The following MMP26 variants were observed in gnomAD, a reference collection of about 807,000 sequenced individuals.
MMP26 encodes matrix metallopeptidase 26, also known as matrix metalloproteinase-26.
A neutral mutation model predicts 31.0 loss-of-function variants in MMP26; 33 were observed. The observed-to-expected ratio is 1.06, with a 90% CI of 0.81 to 1.42. The LOEUF (loss-of-function observed/expected upper bound fraction) is 1.42, where lower values mean the gene tolerates loss of function less well. MMP26 is among the 40% of genes most tolerant of loss of function. The pLI, the probability that MMP26 is intolerant of heterozygous loss-of-function variation, is 0.00. For missense variants in MMP26, 347 were observed against 316.1 expected, an observed-to-expected ratio of 1.10 and a Z score of -0.74; for synonymous variants, 122 against 114.9, an observed-to-expected ratio of 1.06 and a Z score of -0.40.
chr11:4,875,154 T>C (rs1447516140), intron 2 of MMP26: 1 of 152,140 alleles, frequency 6.6e-6, no homozygotes, highest in Non-Finnish European at 1.5e-5. Context: ...GAGATCATTC[T>C]GCTCTCTAAT....
intron 1 of MMP26, among the ~76,000 whole-genome samples, chr11:4,716,650 CTTTTTTTTTTTTTTT>C (rs71050424): frequency 0.028 from 1,815 of 65,072 alleles, 44 homozygotes; most frequent in Middle Eastern, 0.23. Flanking sequence ...TCTCTTACCT[CTTTTTTTTTTTTTTT>C]TTTTTTTTTT....
chr11:4,836,396 C>T (rs1467386920), intron 2 of MMP26, among the ~76,000 whole-genome samples: 1 of 151,168 alleles, frequency 6.6e-6, no homozygotes, highest in East Asian at 1.9e-4. Context: ...TACTTATATA[C>T]ACACACAGAT....
intron 2 of MMP26, chr11:4,907,928 C>T (rs773678445): frequency 1.7e-5 from 28 of 1,613,930 alleles, no homozygotes; most frequent in Non-Finnish European, 2.2e-5. Context: ...TACCATGAAG[C>T]TGGCCTGCTC....
At chr11:4,803,389 A>C (rs1344151182) in intron 2 of MMP26, 1 of 1,241,906 alleles carries the variant, frequency 8.1e-7, no homozygotes. Context: ...ATGTCCCCAC[A>C]TTAGTGGGGC....
intron 2 of MMP26, among the ~76,000 whole-genome samples, chr11:4,934,887 G>C (rs1331350163): frequency 6.6e-6 from 1 of 151,204 alleles, no homozygotes; most frequent in East Asian, 1.9e-4. Context: ...GATAGTTGTA[G>C]GTATGCGGCG....
At chr11:4,964,204 G>A (rs1589820248) in intron 2 of MMP26, among the ~76,000 whole-genome samples, 3 of 152,046 alleles carry the variant, frequency 2.0e-5, no homozygotes, top group Admixed American at 6.6e-5. Context: ...GTTCTTAATG[G>A]TATTGCCTAG....
chr11:4,941,921 TA>T (rs1846213232), intron 2 of MMP26, among the ~76,000 whole-genome samples: 1 of 150,480 alleles, frequency 6.6e-6, no homozygotes, highest in Non-Finnish European at 1.5e-5. Flanking sequence ...CCATCTCTAC[TA>T]AAAATACAAA....
At chr11:4,939,291 A>G (rs890536125) in intron 2 of MMP26, among the ~76,000 whole-genome samples, 2 of 152,128 alleles carry the variant, frequency 1.3e-5, no homozygotes, top group African/African-American at 4.8e-5. Flanking sequence ...AAAGTTAAAG[A>G]TGGTAATAAT....
At position 4,881,996 on chromosome 11, in the gene MMP26, G is replaced by A. The variant is rs745346501; in HGVS notation, c.-144-106072G>A. On this transcript the variant is annotated intron_variant, in intron 2 of 7. Transcript: ENST00000380390. ...TGCTCATGTCTGGATCTCCATTCCA[G>A]TCTGCTGTCTCTACACCATTGCCCT... is the stretch of plus-strand genomic sequence containing the variant. The A allele has an allele frequency of 8.1e-6, 13 of 1,613,710 alleles. No homozygotes were observed. In the South Asian group the frequency reaches 1.2e-4, roughly 15 times the overall value.
chr11:4,908,038 T>C (rs1850929429), intron 2 of MMP26: 2 of 1,614,186 alleles, frequency 1.2e-6, no homozygotes, highest in Non-Finnish European at 1.7e-6. Flanking sequence ...TCTTGAAGAC[T>C]ATACTCAGCA....
intron 2 of MMP26, among the ~76,000 whole-genome samples, chr11:4,869,942 A>T (rs920020374): frequency 6.6e-6 from 1 of 152,180 alleles, no homozygotes; most frequent in Non-Finnish European, 1.5e-5. Flanking sequence ...TGAAGCTGGA[A>T]ACCATCATTG....
intron 2 of MMP26, among the ~76,000 whole-genome samples, chr11:4,811,235 C>G (rs1191992026): frequency 1.3e-5 from 2 of 152,054 alleles, no homozygotes; most frequent in Non-Finnish European, 2.9e-5. Context: ...TCAGGGAGTA[C>G]CTATGCCAGT....
chr11:4,744,192 G>C (rs1193209435), intron 1 of MMP26, among the ~76,000 whole-genome samples: 2 of 152,084 alleles, frequency 1.3e-5, no homozygotes, highest in African/African-American at 4.8e-5. Flanking sequence ...GTTTCACACT[G>C]ACCGTATTTC....
chr11:4,894,936 G>A (rs182263543), intron 2 of MMP26, among the ~76,000 whole-genome samples: 1 of 152,038 alleles, frequency 6.6e-6, no homozygotes, highest in Non-Finnish European at 1.5e-5. Flanking sequence ...GAGCTCTGTG[G>A]CATAATTTAT....
intron 2 of MMP26, among the ~76,000 whole-genome samples, chr11:4,837,035 T>A (rs938515139): frequency 2.0e-5 from 3 of 152,140 alleles, no homozygotes; most frequent in African/African-American, 7.2e-5. Flanking sequence ...ATACTACCTG[T>A]ATTTGCTTGA....
intron 2 of MMP26, among the ~76,000 whole-genome samples, chr11:4,864,190 G>A (rs1190150745): frequency 1.3e-5 from 2 of 152,118 alleles, no homozygotes; most frequent in African/African-American, 2.4e-5. Context: ...TGAATTAGCT[G>A]AACTTCTTTG....
intron 2 of MMP26, among the ~76,000 whole-genome samples, chr11:4,808,745 C>A (rs1849311033): frequency 7.1e-6 from 1 of 141,798 alleles, no homozygotes; most frequent in Non-Finnish European, 1.5e-5. Context: ...CTCTGCTTTT[C>A]TGCTCTCAGA....
chr11:4,859,949 T>C (rs1007728180), intron 2 of MMP26: 24 of 470,986 alleles, frequency 5.1e-5, no homozygotes, highest in Non-Finnish European at 9.2e-5. Context: ...AGTGTGAAGA[T>C]GACGACGATG....
At chr11:4,872,810 C>T (rs1344911661) in intron 2 of MMP26, among the ~76,000 whole-genome samples, 1 of 152,022 alleles carries the variant, frequency 6.6e-6, no homozygotes, top group East Asian at 1.9e-4. Flanking sequence ...GCTACAGAAG[C>T]TCCTGTCCTA....
Sources: gnomAD v4.1 joint callset for allele counts (sites outside exome capture counted in the v4.1 genomes callset) on GRCh38, gnomAD v4.1.1 for gene constraint, MANE v1.5 for transcripts, NCBI Gene and HGNC (gene_info 2026-07-23, HGNC 2026-07-21) for gene names.